The following MYO19 variants were observed in gnomAD, a reference collection of about 807,000 sequenced individuals.
MYO19 encodes the protein unconventional myosin-XIX.
Under a neutral mutation model 129.2 loss-of-function variants are expected in MYO19, and 132 were observed. The observed-to-expected ratio is 1.02, with a 90% confidence interval of 0.89 to 1.18. The LOEUF (loss-of-function observed/expected upper bound fraction) is 1.18, where lower values mean the gene tolerates loss of function less well. Among genes scored for constraint, MYO19 ranks in the 50% most tolerant of loss-of-function variants. MYO19 has a pLI of 0.00. For synonymous variants in MYO19, 531 were observed against 477.2 expected (o/e 1.11, Z -1.47); for missense variants, 1,210 against 1,216.7 (o/e 0.99, Z 0.08).
At position 36,519,067 on chromosome 17, in the gene MYO19, GTAT is replaced by G. The variant is rs765686481; in HGVS notation, c.415-3080_415-3078del. Among the ~76,000 whole-genome samples the G allele has an allele frequency of 3.3e-5, 5 of 152,188 alleles. No individual in the cohort carries two copies. In the South Asian group the frequency reaches 8.3e-4, roughly 25 times the overall value. On this transcript the variant is annotated intron_variant, in intron 6 of 25. Transcript: ENST00000614623. ...AAGCCACCACGCTTGGCTAATTTTT[GTAT>G]TTTTTTGTAGATATGGGTTTTCCCC...
chr17:36,499,267 T>C, intron 23 of MYO19, 107 bp from the exon 24 acceptor site: 1 of 431,954 alleles, frequency 2.3e-6, no homozygotes, highest in Admixed American at 4.2e-5. Context: ...TTCAAATACG[T>C]TTTTTTTTTT....
chr17:36,511,231 G>C, intron 12 of MYO19, 134 bp downstream of exon 12: 1 of 928,328 alleles, frequency 1.1e-6, no homozygotes, highest in South Asian at 1.5e-5. Context: ...AATGATCCAG[G>C]GCCAGGCCCT....
rs377470034 is a variant in MYO19 at position 36,513,702 on chromosome 17, G to A, written c.744C>T (p.Asp248=). ...CAGGAAGGTGCCACTGGAGCCTCTC[G>A]TCCTCACTGGCTCCTTTGCAAATCT... The part of the protein sequence containing the change: ...FYQICKGASE[D]ERLQWHLPEG... Residue 248 remains aspartate, a synonymous_variant, in exon 10 of 26, where the codon GAC becomes GAT. Coordinates refer to ENST00000614623, the MANE Select transcript of MYO19 (RefSeq NM_001163735.2). 25 of 1,613,640 alleles carry A rather than the reference G, an allele frequency of 1.5e-5. No homozygotes were observed. Among genetic ancestry groups the A allele is most frequent in the South Asian group, 4.4e-5 (4 of 91,046 alleles).
In MYO19 at chr17:36,509,098, T is replaced by A; in HGVS notation, c.1195A>T (p.Ile399Phe). ...DWLVSVINSSICADTDSWTTF... is the reference protein window; with the variant it reads ...DWLVSVINSSFCADTDSWTTF... The stretch of plus-strand genomic sequence containing the variant: ...GTCCACGAGTCGGTGTCTGCACAGA[T>A]GCTGCTGTTGATCACTGATACCAGC... The change falls in exon 14 of 26, where the codon ATC becomes TTC. Residue 399 changes from isoleucine to phenylalanine, a missense_variant. By Grantham distance (21) the Ile-to-Phe change is conservative (BLOSUM62 0). Coordinates refer to ENST00000614623, the MANE Select transcript of MYO19 (RefSeq NM_001163735.2). The A allele has an allele frequency of 6.2e-7, 1 of 1,613,900 alleles. No individual in the cohort carries two copies. Among genetic ancestry groups the A allele is most frequent in the Non-Finnish European group, 8.5e-7 (1 of 1,179,836 alleles).
In MYO19 at chr17:36,511,456, C is replaced by T. The variant is rs772336776; in HGVS notation, c.895-1G>A. 1 of 1,557,990 alleles carries T rather than the reference C, an allele frequency of 6.4e-7. No individual in the cohort carries two copies. Among genetic ancestry groups the T allele is most frequent in the African/African-American group, 1.4e-5 (1 of 73,318 alleles). Reference sequence around the variant, plus strand: ...CAAGGTGCAGCAGTCCAGCTAGGACCTGGGGGAAAGAAAAGGATGGGTGGG... The same window carrying T: ...CAAGGTGCAGCAGTCCAGCTAGGACTTGGGGGAAAGAAAAGGATGGGTGGG... On this transcript the variant is annotated splice_acceptor_variant, in intron 11 of 25. Transcript: ENST00000614623. LOFTEE classifies it high-confidence loss of function.
At chr17:36,513,071 A>G in intron 11 of MYO19, 1 of 1,266,246 alleles carries the variant, frequency 7.9e-7, no homozygotes, top group African/African-American at 1.5e-5. Context: ...TTAAAAAACT[A>G]AGTGAGCAGA....
At chr17:36,521,747 C>A (rs2073140375) in intron 6 of MYO19, among the ~76,000 whole-genome samples, 1 of 151,998 alleles carries the variant, frequency 6.6e-6, no homozygotes, top group South Asian at 2.1e-4. Context: ...GAAAATAAAA[C>A]CTCGGCCAGG....
chr17:36,527,137 G>C (rs1361519725), intron 5 of MYO19, among the ~76,000 whole-genome samples: 3 of 152,030 alleles, frequency 2.0e-5, no homozygotes, highest in African/African-American at 7.3e-5. Context: ...TTGCACTCCA[G>C]TCTGGGCAAT....
chr17:36,518,020 G>A (rs754389103), intron 6 of MYO19, among the ~76,000 whole-genome samples: 1 of 151,806 alleles, frequency 6.6e-6, no homozygotes, highest in Non-Finnish European at 1.5e-5. Flanking sequence ...AACCCGGGAG[G>A]CGCAGGTTGC....
chr17:36,519,300 G>T (rs907831971), intron 6 of MYO19, among the ~76,000 whole-genome samples: 2 of 152,294 alleles, frequency 1.3e-5, no homozygotes, highest in Admixed American at 6.5e-5. Context: ...TTTTCTTGAT[G>T]AATTCACCCA....
In MYO19 at chr17:36,500,890, T is replaced by C. The variant is rs1449147785; in HGVS notation, c.2317A>G (p.Arg773Gly). Residue 773 changes from arginine (R) to glycine (G), a missense_variant, in exon 23 of 26, where the codon AGG (arginine) becomes GGG (glycine). By Grantham distance (125) the Arg-to-Gly change is moderately radical (BLOSUM62 -2). Coordinates refer to ENST00000614623, the MANE Select transcript of MYO19 (RefSeq NM_001163735.2). ...TCCTGCTCTCGGTGCCGGTGTCGCC[T>C]CCAGCCACCCTGGATGCAGCGGGCA... ...QCARCIQGGW[R>G]RHRHREQERQ... 1.9e-6 allele frequency: 3 copies of C among 1,607,466 alleles called. No homozygotes were observed. The highest frequency in any genetic ancestry group is 2.5e-6 in the Non-Finnish European group (3 of 1,179,160).
intron 9 of MYO19, among the ~76,000 whole-genome samples, chr17:36,513,988 C>T (rs760447675): frequency 6.6e-6 from 1 of 152,166 alleles, no homozygotes; most frequent in South Asian, 2.1e-4. Context: ...CCAGGGAGTC[C>T]GTCGTCTTGA....
At chr17:36,505,887 G>C (rs901314810) in intron 18 of MYO19, among the ~76,000 whole-genome samples, 1 of 152,188 alleles carries the variant, frequency 6.6e-6, no homozygotes, top group African/African-American at 2.4e-5. Flanking sequence ...GTTTGAGGCT[G>C]GGTAGGAAGG....
rs1318768588 is a variant in MYO19 at position 36,498,410 on chromosome 17, G to T, written c.2613C>A (p.Ala871=). 44 of 1,613,884 alleles carry T rather than the reference G, an allele frequency of 2.7e-5. No individual in the cohort carries two copies. The highest frequency in any genetic ancestry group is 3.5e-5 in the Non-Finnish European group (41 of 1,179,890). The change falls in exon 25 of 26, where the codon GCC becomes GCA. Residue 871 remains alanine (A), a synonymous_variant. Coordinates refer to ENST00000614623, the MANE Select transcript of MYO19 (RefSeq NM_001163735.2). ...IRLWPLGLVL[A]NTAMGVGSFQ... ...AGCTGCCTACACCCATAGCCGTATT[G>T]GCCAGGACCAGTCCCAGGGGCCAGA...
At chr17:36,525,402 G>T in intron 5 of MYO19, 61 bp from the exon 6 acceptor site, 1 of 1,242,594 alleles carries the variant, frequency 8.0e-7, no homozygotes, top group East Asian at 2.4e-5. Context: ...TGATGACTGA[G>T]CCAATGATGA....
chr17:36,534,550 G>A (rs1188341424), intron 1 of MYO19: 5 of 152,308 alleles, frequency 3.3e-5, no homozygotes, highest in Non-Finnish European at 7.3e-5. Flanking sequence ...GGGTGATCAA[G>A]AAAGACTTGT....
upstream of MYO19, among the ~76,000 whole-genome samples, chr17:36,544,082 T>C (rs191838383): frequency 1.3e-5 from 2 of 152,350 alleles, no homozygotes; most frequent in East Asian, 1.9e-4. Context: ...CGAGAGGAAC[T>C]GTCTTCACAG....
chr17:36,540,331 G>A (rs1481948055), intron 2 of MYO19, among the ~76,000 whole-genome samples: 7 of 149,864 alleles, frequency 4.7e-5, no homozygotes, highest in Admixed American at 2.0e-4. Flanking sequence ...GATTACAGGC[G>A]TCGTGATCCT....
intron 6 of MYO19, among the ~76,000 whole-genome samples, chr17:36,517,631 C>A (rs1031792519): frequency 6.6e-6 from 1 of 152,102 alleles, no homozygotes; most frequent in Non-Finnish European, 1.5e-5. Context: ...TTCATCTTTA[C>A]TTTTTCCCTT....
Sources: allele counts gnomAD v4.1 joint callset (sites outside exome capture counted in the v4.1 genomes callset), GRCh38; gene constraint gnomAD v4.1.1; transcripts MANE v1.5; gene names NCBI Gene and HGNC (gene_info 2026-07-23, HGNC 2026-07-21).